Variants in ESRRG observed in about 807,000 individuals in gnomAD.
ESRRG encodes the protein estrogen-related receptor gamma.
In ESRRG, 13 loss-of-function variants were observed where a neutral mutation model predicts 44.0. That is an observed-to-expected ratio of 0.30 (90% CI 0.19 to 0.47). The LOEUF is 0.47. Ranked by LOEUF, ESRRG falls within the 20% of genes least tolerant of loss-of-function variation. The pLI is 1.00. For synonymous variants in ESRRG, 215 were observed against 214.6 expected, an observed-to-expected ratio of 1.00 and a Z score of -0.02; for missense variants, 395 against 580.6, an observed-to-expected ratio of 0.68 and a Z score of 3.29.
intron 1 of ESRRG, among the ~76,000 whole-genome samples, chr1:216,954,055 T>C (rs887913126): frequency 1.3e-5 from 2 of 152,142 alleles, no homozygotes; most frequent in Non-Finnish European, 2.9e-5. Context: ...ATTTTTCAAT[T>C]GTTAAAGAGA....
rs114323490 is a variant in ESRRG at position 217,077,977 on chromosome 1, T to C, written c.-106+11530A>G. On this transcript the variant is annotated intron_variant, in intron 1 of 7. Transcript: ENST00000359162. Reference sequence around the variant, plus strand: ...ACAACCCCATCTACTGCAAAGTCACTGTATCAGAAGCTAGAATTGATTTGT... The same window carrying C: ...ACAACCCCATCTACTGCAAAGTCACCGTATCAGAAGCTAGAATTGATTTGT... Among the ~76,000 whole-genome samples, 1,114 of 152,342 alleles carry C rather than the reference T, an allele frequency of 7.3e-3. 18 individuals carry two copies. The highest frequency in any genetic ancestry group is 0.026 in the African/African-American group (1,065 of 41,584).
At chr1:216,783,551 A>G (rs2094010057) in intron 2 of ESRRG, among the ~76,000 whole-genome samples, 1 of 152,044 alleles carries the variant, frequency 6.6e-6, no homozygotes, top group Admixed American at 6.6e-5. Context: ...GTGCATTTAT[A>G]AATATATCTT....
chr1:217,021,391 A>C (rs1206704401), intron 1 of ESRRG, among the ~76,000 whole-genome samples: 2 of 152,196 alleles, frequency 1.3e-5, no homozygotes, highest in Non-Finnish European at 2.9e-5. Context: ...TGCTTTGACC[A>C]ACTGAGCTGC....
chr1:216,737,811 CAGTA>C (rs1353036236), intron 2 of ESRRG, among the ~76,000 whole-genome samples: 2 of 151,788 alleles, frequency 1.3e-5, no homozygotes, highest in African/African-American at 2.4e-5. Flanking sequence ...TCTGCTTACT[CAGTA>C]AGATTGTTAT....
At chr1:216,806,155 C>T (rs886289359) in intron 2 of ESRRG, among the ~76,000 whole-genome samples, 4 of 152,170 alleles carry the variant, frequency 2.6e-5, no homozygotes, top group South Asian at 2.1e-4. Context: ...CATCACATGC[C>T]CTGCATGCTA....
intron 2 of ESRRG, among the ~76,000 whole-genome samples, chr1:216,675,617 G>C (rs796136401): frequency 2.4e-4 from 36 of 152,192 alleles, no homozygotes; most frequent in African/African-American, 8.7e-4. Flanking sequence ...TCTAGAGCAG[G>C]GGGTCTAAAT....
intron 2 of ESRRG, among the ~76,000 whole-genome samples, chr1:216,917,231 T>C (rs1408770077): frequency 2.0e-5 from 3 of 151,324 alleles, no homozygotes; most frequent in African/African-American, 7.3e-5. Context: ...GTCTACTTAA[T>C]GCTTAGGTCT....
rs75061736 is a variant in ESRRG at position 216,771,540 on chromosome 1, G to A, written c.-13-94049C>T. Among the ~76,000 whole-genome samples the A allele has an allele frequency of 2.6e-3, 394 of 152,172 alleles. 1 individual carries two copies. Among genetic ancestry groups the A allele is most frequent in the African/African-American group, 9.0e-3 (374 of 41,538 alleles). ...CAGAATTTGTCAAAATTTTGTAACT[G>A]GGAGATGCTGACAACTATGTCCAAA... On this transcript the variant is annotated intron_variant, in intron 2 of 7. Coordinates refer to the ESRRG transcript ENST00000359162.
chr1:217,032,244 A>G (rs151023069), intron 1 of ESRRG, among the ~76,000 whole-genome samples: 39 of 152,278 alleles, frequency 2.6e-4, no homozygotes, highest in African/African-American at 9.4e-4. Flanking sequence ...TGAAAATTAA[A>G]TTTTCAGTAA....
chr1:216,661,402 C>T (rs1388796599), intron 2 of ESRRG, among the ~76,000 whole-genome samples: 2 of 152,106 alleles, frequency 1.3e-5, no homozygotes, highest in Non-Finnish European at 1.5e-5. Flanking sequence ...TGCAAGTCTG[C>T]TTATCTGTCT....
intron 1 of ESRRG, among the ~76,000 whole-genome samples, chr1:216,681,138 A>G (rs1313421945): frequency 6.6e-6 from 1 of 152,196 alleles, no homozygotes; most frequent in South Asian, 2.1e-4. Context: ...TATGGTTACT[A>G]TTATTATTTT....
chr1:216,516,173 G>A (rs761880399), intron 6 of ESRRG, among the ~76,000 whole-genome samples: 7 of 152,070 alleles, frequency 4.6e-5, no homozygotes, highest in Non-Finnish European at 7.4e-5. Flanking sequence ...TAAAAAATAA[G>A]AGAATACATA....
chr1:217,101,694 C>A (rs1385122036), intron 1 of ESRRG, among the ~76,000 whole-genome samples: 5 of 152,318 alleles, frequency 3.3e-5, no homozygotes, highest in East Asian at 3.9e-4. Flanking sequence ...CACCCACATG[C>A]ATATTCATTT....
chr1:216,756,372 A>G (rs1354628908), intron 2 of ESRRG, among the ~76,000 whole-genome samples: 1 of 151,930 alleles, frequency 6.6e-6, no homozygotes, highest in African/African-American at 2.4e-5. Context: ...GGAATAAGAG[A>G]ATGATTTGGG....
chr1:217,113,174 G>C (rs1367272837), intron 1 of ESRRG, among the ~76,000 whole-genome samples: 1 of 152,162 alleles, frequency 6.6e-6, no homozygotes, highest in Non-Finnish European at 1.5e-5. Context: ...CTCAGTTGCA[G>C]ACATGGGCTT....
At chr1:216,649,026 T>G (rs916793383) in intron 3 of ESRRG, among the ~76,000 whole-genome samples, 2 of 152,142 alleles carry the variant, frequency 1.3e-5, no homozygotes, top group Non-Finnish European at 2.9e-5. Flanking sequence ...AGGCAATGGC[T>G]AAGATAAAGA....
At chr1:217,092,267 A>C (rs2092360267), upstream of ESRRG, among the ~76,000 whole-genome samples, 1 of 152,234 alleles carries the variant, frequency 6.6e-6, no homozygotes, top group Admixed American at 6.5e-5. Flanking sequence ...TTGTTGGAGC[A>C]TGTTCAGTTT....
At chr1:217,028,450 T>G (rs2081541885) in intron 1 of ESRRG, among the ~76,000 whole-genome samples, 1 of 152,164 alleles carries the variant, frequency 6.6e-6, no homozygotes, top group Non-Finnish European at 1.5e-5. Flanking sequence ...CATGTCAAGA[T>G]ATTTGATGCC....
At position 216,512,981 on chromosome 1, in the gene ESRRG, C is replaced by T. The variant is rs192961812; in HGVS notation, c.1133-5798G>A. Among the ~76,000 whole-genome samples, 6 of 152,252 alleles carry T rather than the reference C, an allele frequency of 3.9e-5. No homozygotes were observed. In the South Asian group the frequency reaches 6.2e-4, roughly 16 times the overall value. ...CAGGAGCTGGAAAAGGTCATGGAAA[C>T]GGATTCTTCCCTAGAGTCTCCAGAG... On this transcript the variant is annotated intron_variant, in intron 6 of 6. Coordinates refer to ENST00000408911, the MANE Select transcript of ESRRG (RefSeq NM_001438.4).
Sources: allele counts gnomAD v4.1 joint callset (sites outside exome capture counted in the v4.1 genomes callset), GRCh38; gene constraint gnomAD v4.1.1; transcripts MANE v1.5; gene names NCBI Gene and HGNC (gene_info 2026-07-23, HGNC 2026-07-21).